Variants in KCNQ1 observed in about 807,000 individuals in gnomAD.
The protein encoded by KCNQ1 is potassium voltage-gated channel subfamily Q member 1, also known as potassium voltage-gated channel subfamily KQT member 1.
KCNQ1 carries 49 observed loss-of-function variants against 72.4 expected under a neutral mutation model. The observed-to-expected ratio is 0.68, with a 90% confidence interval of 0.54 to 0.86. The LOEUF (loss-of-function observed/expected upper bound fraction) is 0.86. KCNQ1 is among the 40% of genes least tolerant of loss of function. KCNQ1 has a pLI of 0.00. For synonymous variants in KCNQ1, 450 were observed against 412.6 expected (o/e 1.09, Z -1.10); for missense variants, 790 against 945.1 (o/e 0.84, Z 2.15).
In KCNQ1 at chr11:2,588,875, TG is replaced by T; in HGVS notation, c.1393+26del. On this transcript the variant is annotated intron_variant, in intron 10 of 15. Transcript: ENST00000155840. The surrounding 1 kb of genome is among the most constrained non-coding windows in gnomAD (Gnocchi z 5.6). ...TTCTGGTGAGAACCCCTCAGGCAGT[TG>T]GGGGCCGCGGGGCCGGGAAGGTCAC... is the stretch of plus-strand genomic sequence containing the variant. The T allele has an allele frequency of 6.2e-7, 1 of 1,610,116 alleles. No individual in the cohort carries two copies.
At chr11:2,606,934 G>A (rs1345154132) in intron 10 of KCNQ1, among the ~76,000 whole-genome samples, 6 of 117,378 alleles carry the variant, frequency 5.1e-5, no homozygotes, top group Non-Finnish European at 9.6e-5. Context: ...ACAGAGTCTC[G>A]CTCTGTCACC....
In KCNQ1 at chr11:2,797,471, T is replaced by C. The variant is rs1847161032; in HGVS notation, c.1794+19434T>C. ...TCAAGGTCGGGCTGGGCTGGCCTCT[T>C]CCTAGCAGACCTTCCAAAACCCCGC... On this transcript the variant is annotated intron_variant, in intron 15 of 15. Coordinates refer to ENST00000155840, the MANE Select transcript of KCNQ1 (RefSeq NM_000218.3). Among the ~76,000 whole-genome samples, 3 of 152,136 alleles carry C rather than the reference T, an allele frequency of 2.0e-5. No homozygotes were observed. In the South Asian group the frequency reaches 6.2e-4, roughly 32 times the overall value.
At chr11:2,751,892 A>G (rs977181424) in intron 11 of KCNQ1, among the ~76,000 whole-genome samples, 3 of 152,190 alleles carry the variant, frequency 2.0e-5, no homozygotes, top group Non-Finnish European at 2.9e-5. Flanking sequence ...TATTCCCCCC[A>G]TAGCATGGCT....
intron 11 of KCNQ1, among the ~76,000 whole-genome samples, chr11:2,700,432 C>T (rs964572959): frequency 2.0e-5 from 3 of 152,152 alleles, no homozygotes; most frequent in Non-Finnish European, 2.9e-5. Context: ...TGTGGGCCCT[C>T]GGTGTGGAGG....
At chr11:2,605,623 G>C (rs1463236340) in intron 10 of KCNQ1, among the ~76,000 whole-genome samples, 2 of 152,186 alleles carry the variant, frequency 1.3e-5, no homozygotes, top group African/African-American at 4.8e-5. Flanking sequence ...TTTACACTCT[G>C]ATTCTATTCC....
chr11:2,448,960 G>T (rs2133565260), intron 1 of KCNQ1, among the ~76,000 whole-genome samples: 1 of 152,358 alleles, frequency 6.6e-6, no homozygotes, highest in East Asian at 1.9e-4. Flanking sequence ...GGTGGCAAGA[G>T]CCTAGAGCCT....
At chr11:2,502,819 C>G (rs1389489843) in intron 1 of KCNQ1, among the ~76,000 whole-genome samples, 1 of 152,156 alleles carries the variant, frequency 6.6e-6, no homozygotes. Flanking sequence ...ACAGTATGTA[C>G]TGACATAAAA....
At chr11:2,470,774 G>T (rs150728057) in intron 1 of KCNQ1, among the ~76,000 whole-genome samples, 2 of 151,712 alleles carry the variant, frequency 1.3e-5, no homozygotes, top group Non-Finnish European at 2.9e-5. Flanking sequence ...CCCTGGTCTC[G>T]ATCAATCCTC....
rs528115479 is a variant in KCNQ1, at chr11:2,566,695, G to T, written c.478-3933G>T. 1.3e-5 allele frequency among the ~76,000 whole-genome samples: 2 copies of T among 152,074 alleles called. No individual in the cohort carries two copies. Among genetic ancestry groups the T allele is most frequent in the Non-Finnish European group, 2.9e-5 (2 of 68,000 alleles). Reference sequence around the variant, plus strand: ...GAGACCAAGGACGGCTCTTCTTCTCGTATCTACGGGGCAGAGCTCAGGGCC... The same window carrying T: ...GAGACCAAGGACGGCTCTTCTTCTCTTATCTACGGGGCAGAGCTCAGGGCC... On this transcript the variant is annotated intron_variant, in intron 2 of 15. Transcript: ENST00000155840. This position sits in a 1 kb window ranked among gnomAD's most constrained non-coding sequence, Gnocchi z 6.7.
chr11:2,641,388 G>T (rs1420823318), intron 10 of KCNQ1: 1 of 397,372 alleles, frequency 2.5e-6, no homozygotes, highest in Non-Finnish European at 4.4e-6. Flanking sequence ...AATTACTGAT[G>T]TTGGGCTTTT....
intron 10 of KCNQ1, chr11:2,633,195 G>A (rs1456398871): frequency 2.5e-6 from 1 of 398,442 alleles, no homozygotes. Flanking sequence ...ATACCTGTTG[G>A]CCAGTTGTTC....
chr11:2,598,264 T>G lies in KCNQ1; in HGVS notation c.1393+9410T>G, dbSNP rs1011362205. On this transcript the variant is annotated intron_variant, in intron 10 of 15. Transcript: ENST00000155840. The surrounding 1 kb of genome is among the most constrained non-coding windows in gnomAD (Gnocchi z 6.2). ...CCTTTTCATTGCTTTCTTGATAGTT[T>G]TAATTTTGTGTTTTGATTTTTCTCT... 1.3e-5 allele frequency among the ~76,000 whole-genome samples: 2 copies of G among 152,186 alleles called. No individual in the cohort carries two copies. Among genetic ancestry groups the G allele is most frequent in the South Asian group, 2.1e-4 (1 of 4,832 alleles).
In KCNQ1 at chr11:2,746,606, C is replaced by A. The variant is rs1116809; in HGVS notation, c.1515-22238C>A. Among the ~76,000 whole-genome samples the A allele has an allele frequency of 0.22, 33,870 of 152,026 alleles. 4,448 individuals carry two copies. Among genetic ancestry groups the A allele is most frequent in the Middle Eastern group, 0.33 (98 of 294 alleles). On this transcript the variant is annotated intron_variant, in intron 11 of 15. Coordinates refer to ENST00000155840, the MANE Select transcript of KCNQ1 (RefSeq NM_000218.3). This position sits in a 1 kb window ranked among gnomAD's most constrained non-coding sequence, Gnocchi z 5.9. ...TCCGTCTGCTGCTGTCCTCACGATT[C>A]GACTGGGCTGTGGGTGTGAGGAGGG...
chr11:2,641,273 C>G, intron 10 of KCNQ1: 1 of 398,466 alleles, frequency 2.5e-6, no homozygotes, highest in South Asian at 1.3e-4. Context: ...TACATTCCCA[C>G]CAACAGTGTA....
rs1848678517 is a variant in KCNQ1 at position 2,592,104 on chromosome 11, C to T, written c.1393+3250C>T. 6.6e-6 allele frequency among the ~76,000 whole-genome samples: 1 copy of T among 152,264 alleles called. No individual in the cohort carries two copies. The highest frequency in any genetic ancestry group is 2.4e-5 in the African/African-American group (1 of 41,480). On this transcript the variant is annotated intron_variant, in intron 10 of 15. Transcript: ENST00000155840. The surrounding 1 kb of genome is among the most constrained non-coding windows in gnomAD (Gnocchi z 5.2). The stretch of plus-strand genomic sequence containing the variant: ...CTGTTGTGTGAACCTGCAGGTTAGG[C>T]AGAAGTCCCCTTGACCCTGCCTCAG...
intron 2 of KCNQ1, among the ~76,000 whole-genome samples, chr11:2,548,457 C>T (rs752602673): frequency 3.9e-5 from 6 of 152,210 alleles, no homozygotes; most frequent in African/African-American, 9.6e-5. Context: ...AGAAAAATTC[C>T]GGTATAACTA....
chr11:2,837,780 C>T (rs182643068), intron 15 of KCNQ1, among the ~76,000 whole-genome samples: 2 of 152,310 alleles, frequency 1.3e-5, no homozygotes, highest in East Asian at 3.9e-4. Context: ...ATGTGAGGGT[C>T]CTGAGGTAGG....
At position 2,759,860 on chromosome 11, in the gene KCNQ1, C is replaced by A. The variant is rs1026371179; in HGVS notation, c.1515-8984C>A. ...TCTCCAGGCCCAGCCCCACCCTGAG[C>A]TGTACTGGACCCAAGCCCCAGGACC... On this transcript the variant is annotated intron_variant, in intron 11 of 15. Coordinates refer to ENST00000155840, the MANE Select transcript of KCNQ1 (RefSeq NM_000218.3). The surrounding 1 kb of genome is among the most constrained non-coding windows in gnomAD (Gnocchi z 4.4). 6.6e-6 allele frequency among the ~76,000 whole-genome samples: 1 copy of A among 152,102 alleles called. No homozygotes were observed. Among genetic ancestry groups the A allele is most frequent in the Non-Finnish European group, 1.5e-5 (1 of 67,992 alleles).
At chr11:2,680,593 C>G (rs890271193) in intron 11 of KCNQ1, 8 of 398,330 alleles carry the variant, frequency 2.0e-5, no homozygotes, top group Non-Finnish European at 3.1e-5. Context: ...TAGTCTCCCC[C>G]GATAGTAACA....
Sources: allele counts gnomAD v4.1 joint callset (sites outside exome capture counted in the v4.1 genomes callset), GRCh38; gene constraint gnomAD v4.1.1; non-coding constraint Gnocchi (gnomAD v3.1); transcripts MANE v1.5; gene names NCBI Gene and HGNC (gene_info 2026-07-23, HGNC 2026-07-21).